Variants in CELA2A observed in about 807,000 individuals in gnomAD.
CELA2A encodes the protein chymotrypsin like elastase 2A, also known as chymotrypsin-like elastase family member 2A.
CELA2A carries 31 observed loss-of-function variants against 35.3 expected under a neutral mutation model. The ratio of observed to expected loss-of-function variants is 0.88; its 90% CI spans 0.66 to 1.19. The LOEUF (loss-of-function observed/expected upper bound fraction) is 1.19. Ranked by LOEUF, CELA2A falls within the 50% of genes most tolerant of loss-of-function variation. The pLI, the probability that CELA2A is intolerant of heterozygous loss-of-function variation, is 0.00. For missense variants in CELA2A, 330 were observed against 352.9 expected, an observed-to-expected ratio of 0.94 and a Z score of 0.52; for synonymous variants, 150 against 149.8, an observed-to-expected ratio of 1.00 and a Z score of -0.01.
rs765802257 is a variant in CELA2A at position 15,462,769 on chromosome 1, C to T, written c.264C>T (p.His88=). 9 of 1,614,146 alleles carry T rather than the reference C, an allele frequency of 5.6e-6. No homozygotes were observed. In the South Asian group the frequency reaches 7.7e-5, roughly 14 times the overall value. Reference sequence around the variant, plus strand: ...CCTACCGCGTGGGGCTGGGCCGGCACAACCTCTACGTTGCGGAGTCCGGCT... The same window carrying T: ...CCTACCGCGTGGGGCTGGGCCGGCATAACCTCTACGTTGCGGAGTCCGGCT... ...SRTYRVGLGR[H]NLYVAESGSL... Residue 88 remains histidine, a synonymous_variant, in exon 4 of 8, where the codon CAC becomes CAT. Coordinates refer to ENST00000359621, the MANE Select transcript of CELA2A (RefSeq NM_033440.3).
intron 5 of CELA2A, among the ~76,000 whole-genome samples, chr1:15,464,082 A>G (rs1708478945): frequency 6.6e-6 from 1 of 152,144 alleles, no homozygotes; most frequent in Non-Finnish European, 1.5e-5. Context: ...TAGCACCTAC[A>G]TCACAGAGTT....
In CELA2A at chr1:15,471,921, G is replaced by A. The variant is rs573842166; in HGVS notation, c.793-69G>A. On this transcript the variant is annotated intron_variant, in intron 7 of 7. Transcript: ENST00000359621. ...ATGAGTAGCTTAGCCCAGGAGGACA[G>A]AGACAGGAAACTGCCATGCACAGCT... 3.7e-6 allele frequency: 6 copies of A among 1,602,266 alleles called. No homozygotes were observed. The African/African-American group carries it at 6.7e-5, about 18-fold the overall frequency.
chr1:15,457,337 C>G (rs960579574), intron 2 of CELA2A, 163 bp downstream of exon 2: 1 of 675,718 alleles, frequency 1.5e-6, no homozygotes, highest in Non-Finnish European at 2.6e-6. Flanking sequence ...TCCGGCTGGG[C>G]GCAGTGGCTC....
At chr1:15,461,772 A>C (rs1708438376) in intron 3 of CELA2A, 114 bp downstream of exon 3, 1 of 1,201,932 alleles carries the variant, frequency 8.3e-7, no homozygotes, top group Non-Finnish European at 1.2e-6. Flanking sequence ...AATAACCACT[A>C]TACTGGCTGA....
intron 7 of CELA2A, among the ~76,000 whole-genome samples, chr1:15,470,906 T>G (rs1331208626): frequency 6.6e-6 from 1 of 152,200 alleles, no homozygotes; most frequent in Non-Finnish European, 1.5e-5. Flanking sequence ...ACAGCTTGTG[T>G]GTGGTCTCAA....
chr1:15,456,960 T>C, intron 1 of CELA2A, 126 bp from the exon 2 acceptor site: 1 of 1,260,722 alleles, frequency 7.9e-7, no homozygotes, highest in South Asian at 1.3e-5. Flanking sequence ...AGAGCAGGAT[T>C]CTATGACCTC....
At chr1:15,468,672 C>T (rs979762374) in intron 7 of CELA2A, among the ~76,000 whole-genome samples, 9 of 152,010 alleles carry the variant, frequency 5.9e-5, no homozygotes, top group African/African-American at 2.2e-4. Flanking sequence ...TACTCAGGCA[C>T]GGTGGTACAT....
rs1296656541 is a variant in CELA2A at position 15,457,131 on chromosome 1, T to C, written c.86T>C (p.Val29Ala). 6.2e-7 allele frequency: 1 copy of C among 1,614,068 alleles called. No homozygotes were observed. Among genetic ancestry groups the C allele is most frequent in the Admixed American group, 1.7e-5 (1 of 60,012 alleles). ...DPTYPPYVTR[V>A]VGGEEARPNS... Reference sequence around the variant, plus strand: ...ACTTACCCACCTTATGTGACTAGGGTGGTTGGCGGTGAAGAAGCGAGGCCC... The same window carrying C: ...ACTTACCCACCTTATGTGACTAGGGCGGTTGGCGGTGAAGAAGCGAGGCCC... Residue 29 changes from valine (V) to alanine (A), a missense_variant, in exon 2 of 8, where the codon GTG (valine) becomes GCG (alanine). Transcript: ENST00000359621.
chr1:15,463,789 C>T (rs1281723326), intron 5 of CELA2A, among the ~76,000 whole-genome samples: 2 of 152,110 alleles, frequency 1.3e-5, no homozygotes, highest in Admixed American at 6.5e-5. Flanking sequence ...GTGGCTCATA[C>T]CTGTAATCCC....
chr1:15,464,511 A>C (rs1487626943), intron 5 of CELA2A, among the ~76,000 whole-genome samples: 2 of 152,172 alleles, frequency 1.3e-5, no homozygotes, highest in Admixed American at 1.3e-4. Flanking sequence ...TGAGATTATG[A>C]GTGTTAATCA....
chr1:15,469,699 C>G (rs1369361855), intron 7 of CELA2A, among the ~76,000 whole-genome samples: 1 of 152,148 alleles, frequency 6.6e-6, no homozygotes, highest in Non-Finnish European at 1.5e-5. Flanking sequence ...AAGACAGTAG[C>G]CATTAATCAT....
At position 15,466,121 on chromosome 1, in the gene CELA2A, G is replaced by T; in HGVS notation, c.616G>T (p.Asp206Tyr). Residue 206 changes from aspartate to tyrosine, a missense_variant, in exon 6 of 8, where the codon GAT (aspartate) becomes TAT (tyrosine). Coordinates refer to ENST00000359621, the MANE Select transcript of CELA2A (RefSeq NM_033440.3). ...VKTSMICAGG[D>Y]GVISSCNGDS... ...AACCAGTATGATCTGTGCTGGGGGTGATGGCGTGATCTCCAGCTGCAACGT... is the reference window on the plus strand; with the variant it reads ...AACCAGTATGATCTGTGCTGGGGGTTATGGCGTGATCTCCAGCTGCAACGT... 1 of 1,613,700 alleles carries T rather than the reference G, an allele frequency of 6.2e-7. No homozygotes were observed. The highest frequency in any genetic ancestry group is 2.2e-5 in the East Asian group (1 of 44,870).
In CELA2A at chr1:15,466,245, C is replaced by T. The variant is rs75157332; in HGVS notation, c.639+101C>T. 8.9e-3 allele frequency: 11,912 copies of T among 1,333,400 alleles called. 76 individuals are homozygous for T. The highest frequency in any genetic ancestry group is 0.024 in the Middle Eastern group (125 of 5,228). 82.6% of individuals were successfully genotyped at this position (1,333,400 alleles called of 1,614,324 possible). On this transcript the variant is annotated intron_variant, in intron 6 of 7. Coordinates refer to ENST00000359621, the MANE Select transcript of CELA2A (RefSeq NM_033440.3). ...ATAGGTCCATCCTCCCACCTCCTGG[C>T]AGAATTACCCCGAAACATGTTCCAG... is the stretch of plus-strand genomic sequence containing the variant.
chr1:15,463,648 A>C, intron 5 of CELA2A, 126 bp downstream of exon 5: 2 of 1,448,396 alleles, frequency 1.4e-6, no homozygotes, highest in Non-Finnish European at 1.9e-6. Context: ...ACGGGATGGC[A>C]TAGGCTGACG....
In CELA2A at chr1:15,472,027, C is replaced by T. The variant is rs367690915; in HGVS notation, c.*20C>T. On this transcript the variant is annotated 3_prime_UTR_variant, in exon 8 of 8. Coordinates refer to ENST00000359621, the MANE Select transcript of CELA2A (RefSeq NM_033440.3). ...AACTAACCAAAAGAAGTCCCTGGGACTGTTTCAGACTTGGAAAGGTCACAG... is the reference window on the plus strand; with the variant it reads ...AACTAACCAAAAGAAGTCCCTGGGATTGTTTCAGACTTGGAAAGGTCACAG... The T allele has an allele frequency of 1.9e-6, 3 of 1,613,830 alleles. No individual in the cohort carries two copies. In the African/African-American group the frequency reaches 4.0e-5, roughly 22 times the overall value.
chr1:15,465,467 A>G (rs1178913146), intron 5 of CELA2A, among the ~76,000 whole-genome samples: 1 of 152,104 alleles, frequency 6.6e-6, no homozygotes, highest in Non-Finnish European at 1.5e-5. Context: ...TATTTTTCCC[A>G]AGGAGGGGGC....
At chr1:15,464,640 G>A (rs906013566) in intron 5 of CELA2A, among the ~76,000 whole-genome samples, 1 of 152,170 alleles carries the variant, frequency 6.6e-6, no homozygotes, top group Non-Finnish European at 1.5e-5. Flanking sequence ...TGGCTTATCT[G>A]TAAACACAAG....
chr1:15,468,788 G>A (rs1006186963), intron 7 of CELA2A, among the ~76,000 whole-genome samples: 13 of 151,470 alleles, frequency 8.6e-5, no homozygotes, highest in Admixed American at 6.6e-5. Context: ...GCAAGACCCT[G>A]TCTCCAAAAA....
chr1:15,465,970 C>A (rs1352963858), intron 5 of CELA2A, 29 bp from the exon 6 acceptor site: 3 of 1,613,124 alleles, frequency 1.9e-6, no homozygotes, highest in Admixed American at 3.3e-5. Context: ...TCCCTGCATC[C>A]CTAATGGCTT....
Sources: gnomAD v4.1 joint callset for allele counts (sites outside exome capture counted in the v4.1 genomes callset) on GRCh38, gnomAD v4.1.1 for gene constraint, MANE v1.5 for transcripts, NCBI Gene and HGNC (gene_info 2026-07-23, HGNC 2026-07-21) for gene names.